The following ZBTB16 variants were observed in gnomAD, a reference collection of about 807,000 sequenced individuals.
The protein encoded by ZBTB16 is zinc finger and BTB domain containing 16.
A neutral mutation model predicts 56.8 loss-of-function variants in ZBTB16; 8 were observed. The observed-to-expected ratio is 0.14, with a 90% CI of 0.08 to 0.25. ZBTB16 has a LOEUF of 0.25. Among genes scored for constraint, ZBTB16 ranks in the 10% least tolerant of loss-of-function variants. The pLI, the probability that ZBTB16 is intolerant of heterozygous loss-of-function variation, is 1.00. For missense variants in ZBTB16, 625 were observed against 903.0 expected, an observed-to-expected ratio of 0.69 and a Z score of 3.95; for synonymous variants, 363 against 368.5, an observed-to-expected ratio of 0.98 and a Z score of 0.17.
At chr11:114,147,078 A>G (rs1401606179) in intron 2 of ZBTB16, among the ~76,000 whole-genome samples, 1 of 152,216 alleles carries the variant, frequency 6.6e-6, no homozygotes, top group South Asian at 2.1e-4. Context: ...ATAGCTCTCC[A>G]GCTCAGAATC....
At chr11:114,124,263 G>A (rs893800429) in intron 2 of ZBTB16, among the ~76,000 whole-genome samples, 3 of 151,866 alleles carry the variant, frequency 2.0e-5, no homozygotes, top group African/African-American at 4.8e-5. Flanking sequence ...TGTCACCTGC[G>A]CTTATGCCAG....
In ZBTB16 at chr11:114,143,012, T is replaced by C. The variant is rs59236623; in HGVS notation, c.1269-13325T>C. 0.13 allele frequency among the ~76,000 whole-genome samples: 19,053 copies of C among 152,022 alleles called. 3,962 individuals are homozygous for C. Among genetic ancestry groups the C allele is most frequent in the African/African-American group, 0.43 (17,841 of 41,382 alleles). On this transcript the variant is annotated intron_variant, in intron 2 of 6. Coordinates refer to ENST00000335953, the MANE Select transcript of ZBTB16 (RefSeq NM_006006.6). The surrounding 1 kb of genome is among the most constrained non-coding windows in gnomAD (Gnocchi z 6.4). ...GGGCTGTGAGGGAGGCAGAACAGGA[T>C]TTTGTTTATGGGGAAATAAAGCCCC...
intron 2 of ZBTB16, among the ~76,000 whole-genome samples, chr11:114,091,943 C>G (rs1246954404): frequency 6.6e-6 from 1 of 152,190 alleles, no homozygotes; most frequent in African/African-American, 2.4e-5. Context: ...CCTGTGCGCC[C>G]CTTCTCACTG....
chr11:114,153,777 T>C (rs558106891), intron 2 of ZBTB16, among the ~76,000 whole-genome samples: 2 of 152,258 alleles, frequency 1.3e-5, no homozygotes, highest in African/African-American at 4.8e-5. Context: ...TAAAAGGATA[T>C]GGGTAAGACT....
At chr11:114,080,857 T>G (rs183463437) in intron 2 of ZBTB16, among the ~76,000 whole-genome samples, 1 of 152,360 alleles carries the variant, frequency 6.6e-6, no homozygotes, top group Admixed American at 6.5e-5. Flanking sequence ...TAAGTGTCCC[T>G]GTCTCCATTC....
At chr11:114,207,590 AACACACACACACACAC>A (rs66489516) in intron 4 of ZBTB16, among the ~76,000 whole-genome samples, 4 of 143,624 alleles carry the variant, frequency 2.8e-5, no homozygotes, top group Admixed American at 1.4e-4. Flanking sequence ...ACACACACAC[AACACACACACACACAC>A]ACACACACAC....
At chr11:114,168,837 C>A (rs1942870822) in intron 3 of ZBTB16, among the ~76,000 whole-genome samples, 1 of 152,202 alleles carries the variant, frequency 6.6e-6, no homozygotes, top group African/African-American at 2.4e-5. Context: ...TGGCTGCTGC[C>A]TGTGTGCCTT....
At chr11:114,173,546 A>G (rs1028916964) in intron 3 of ZBTB16, among the ~76,000 whole-genome samples, 3 of 152,188 alleles carry the variant, frequency 2.0e-5, no homozygotes, top group East Asian at 1.9e-4. Context: ...TCTAGGAGGG[A>G]TGCCTAGGCC....
In ZBTB16 at chr11:114,240,558, G is replaced by T. The variant is rs978749553; in HGVS notation, c.1454-1609G>T. Among the ~76,000 whole-genome samples the T allele has an allele frequency of 3.3e-5, 5 of 151,744 alleles. No homozygotes were observed. The South Asian group carries it at 6.2e-4, about 19-fold the overall frequency. The stretch of plus-strand genomic sequence containing the variant: ...CAGCGGTGTGGGGCCAAGTGCAGGT[G>T]ATATTGCCCAGGCACCAGCACAGAG... On this transcript the variant is annotated intron_variant, in intron 4 of 6. Transcript: ENST00000335953.
chr11:114,173,293 G>A (rs1335997853), intron 3 of ZBTB16, among the ~76,000 whole-genome samples: 1 of 152,166 alleles, frequency 6.6e-6, no homozygotes, highest in South Asian at 2.1e-4. Context: ...TTTTCTAAAA[G>A]CCACAGCAGG....
chr11:114,107,887 G>A (rs1209163784), intron 2 of ZBTB16, among the ~76,000 whole-genome samples: 1 of 151,250 alleles, frequency 6.6e-6, no homozygotes, highest in African/African-American at 2.4e-5. Context: ...AATTTGGAGT[G>A]AACAGAAAAT....
intron 3 of ZBTB16, among the ~76,000 whole-genome samples, chr11:114,174,449 G>A (rs1362050206): frequency 1.3e-5 from 2 of 152,154 alleles, no homozygotes; most frequent in African/African-American, 2.4e-5. Context: ...GGGAAGCCAA[G>A]GTGGGCGGAT....
At chr11:114,148,425 C>CTCTGTCTGTCTG (rs1942183457) in intron 2 of ZBTB16, among the ~76,000 whole-genome samples, 2 of 16,974 alleles carry the variant, frequency 1.2e-4, no homozygotes, top group Non-Finnish European at 1.3e-4. Context: ...CCCTCCCTCC[C>CTCTGTCTGTCTG]TCTCTCTCTC....
At chr11:114,179,599 G>A (rs79951224) in intron 3 of ZBTB16, among the ~76,000 whole-genome samples, 7,629 of 152,228 alleles carry the variant, frequency 0.05, 310 homozygotes, top group Admixed American at 0.11. Flanking sequence ...TTGAAAAAAA[G>A]GACACACCAC....
chr11:114,102,937 A>G (rs1940665447), intron 2 of ZBTB16, among the ~76,000 whole-genome samples: 2 of 152,204 alleles, frequency 1.3e-5, no homozygotes, highest in Admixed American at 1.3e-4. Context: ...GTGTGTGCCC[A>G]TATTAACCCA....
chr11:114,132,635 A>C (rs958234770), intron 2 of ZBTB16, among the ~76,000 whole-genome samples: 4 of 152,198 alleles, frequency 2.6e-5, no homozygotes, highest in Non-Finnish European at 5.9e-5. Context: ...GAGCTGAGTA[A>C]ATATAAAGTG....
intron 2 of ZBTB16, among the ~76,000 whole-genome samples, chr11:114,095,855 C>T (rs1242500818): frequency 6.6e-6 from 1 of 152,136 alleles, no homozygotes; most frequent in Admixed American, 6.5e-5. Flanking sequence ...ATTGTTCTTA[C>T]TCCAATAGAT....
In ZBTB16 at chr11:114,063,246, G is replaced by A. The variant is rs1244150264; in HGVS notation, c.-55G>A. 3.1e-6 allele frequency: 5 copies of A among 1,598,784 alleles called. No homozygotes were observed. The highest frequency in any genetic ancestry group is 2.6e-6 in the Non-Finnish European group (3 of 1,174,378). On this transcript the variant is annotated 5_prime_UTR_variant, in exon 2 of 7. Transcript: ENST00000335953. The surrounding 1 kb of genome is among the most constrained non-coding windows in gnomAD (Gnocchi z 6.5). Reference sequence around the variant, plus strand: ...TGGCCCAGGAAGCCCACCCAGCCCCGCCACGCAGAGCCCAGAAGGAAAGAA... The same window carrying A: ...TGGCCCAGGAAGCCCACCCAGCCCCACCACGCAGAGCCCAGAAGGAAAGAA...
Position 114,222,022 on chromosome 11 carries a change from G to A in ZBTB16, c.1454-20145G>A, listed in dbSNP as rs536046044. On this transcript the variant is annotated intron_variant, in intron 4 of 6. Transcript: ENST00000335953. ...ATCCAGCTTGGCTCTGCTGTCGCCT[G>A]CAGAGAATACACTAATGAAACAAGT... 8.4e-4 allele frequency among the ~76,000 whole-genome samples: 128 copies of A among 152,274 alleles called. 3 individuals carry two copies. In the South Asian group the frequency reaches 0.026, roughly 30 times the overall value.
Sources: allele counts gnomAD v4.1 joint callset (sites outside exome capture counted in the v4.1 genomes callset), GRCh38; gene constraint gnomAD v4.1.1; non-coding constraint Gnocchi (gnomAD v3.1); transcripts MANE v1.5; gene names NCBI Gene and HGNC (gene_info 2026-07-23, HGNC 2026-07-21).